Variants in IMPG1 observed in about 807,000 individuals in gnomAD.
IMPG1 encodes the protein interphotoreceptor matrix proteoglycan of 150 kDa.
A neutral mutation model predicts 92.0 loss-of-function variants in IMPG1; 85 were observed. The observed-to-expected ratio is 0.92, with a 90% CI of 0.78 to 1.11. The LOEUF (loss-of-function observed/expected upper bound fraction) is 1.11, where lower values mean the gene tolerates loss of function less well. IMPG1 is among the 50% of genes least tolerant of loss of function. The probability of loss-of-function intolerance (pLI) is 0.00; values close to 1 mark genes in which losing one functional copy is unlikely to be tolerated. For missense variants in IMPG1, 1,022 were observed against 956.0 expected (o/e 1.07, Z -0.91); for synonymous variants, 367 against 334.1 (o/e 1.10, Z -1.08).
chr6:75,980,336 T>A (rs1261937367), intron 12 of IMPG1, among the ~76,000 whole-genome samples: 1 of 152,238 alleles, frequency 6.6e-6, no homozygotes, highest in African/African-American at 2.4e-5. Context: ...TGCAAACACA[T>A]GGAAGACAGT....
Position 76,018,720 on chromosome 6 carries a change from G to A in IMPG1, c.805C>T (p.Gln269Ter), listed in dbSNP as rs779243802. Reference sequence around the variant, plus strand: ...TTGTATGGGCCGGGTCTACTCACCTGAAGTTGGGACTTTCCTGCTAGCTCC... The same window carrying A: ...TTGTATGGGCCGGGTCTACTCACCTAAAGTTGGGACTTTCCTGCTAGCTCC... Reference protein sequence around the residue: ...YQELAGKSQLQMQKIFKKLPG... With the variant: ...YQELAGKSQL The change falls in exon 7 of 17, where the codon CAG becomes TAG. Residue 269 changes from glutamine (Q) to a stop codon, truncating the protein, a stop_gained and splice_region_variant. Transcript: ENST00000369950. LOFTEE classifies it high-confidence loss of function. 6.2e-7 allele frequency: 1 copy of A among 1,613,154 alleles called. No individual in the cohort carries two copies. The highest frequency in any genetic ancestry group is 1.3e-5 in the African/African-American group (1 of 74,984).
intron 12 of IMPG1, among the ~76,000 whole-genome samples, chr6:75,974,345 T>G (rs1389822603): frequency 1.9e-5 from 2 of 104,624 alleles, no homozygotes; most frequent in African/African-American, 7.9e-5. Context: ...CTTTCTTTCT[T>G]TCTTTCTTTC....
At chr6:75,960,407 A>G (rs1335958124) in intron 12 of IMPG1, among the ~76,000 whole-genome samples, 1 of 152,230 alleles carries the variant, frequency 6.6e-6, no homozygotes, top group East Asian at 1.9e-4. Context: ...TTAATTCATT[A>G]AAGGAACAAT....
chr6:76,016,513 TC>T (rs1783290460), intron 7 of IMPG1, among the ~76,000 whole-genome samples: 1 of 152,234 alleles, frequency 6.6e-6, no homozygotes, highest in African/African-American at 2.4e-5. Context: ...CCATGCTGAT[TC>T]TTTTACTTTG....
intron 7 of IMPG1, among the ~76,000 whole-genome samples, chr6:76,018,290 A>G (rs1445919356): frequency 6.6e-6 from 1 of 152,252 alleles, no homozygotes; most frequent in African/African-American, 2.4e-5. Context: ...CACTACAAGA[A>G]AAGTTATGTG....
chr6:75,934,902 G>A (rs939099336), intron 14 of IMPG1: 13 of 467,584 alleles, frequency 2.8e-5, no homozygotes, highest in Middle Eastern at 3.3e-4. Context: ...TCCTGCTTTT[G>A]CGCTGTCCCA....
At chr6:76,011,681 C>T (rs1582103027) in intron 7 of IMPG1, among the ~76,000 whole-genome samples, 1 of 150,990 alleles carries the variant, frequency 6.6e-6, no homozygotes, top group Non-Finnish European at 1.5e-5. Flanking sequence ...GTGCGCTGCA[C>T]CCACTAACTC....
chr6:76,040,352 G>A (rs1783814306), intron 2 of IMPG1, among the ~76,000 whole-genome samples: 1 of 152,206 alleles, frequency 6.6e-6, no homozygotes. Flanking sequence ...TAGAAGTTAT[G>A]TGAAAATAGG....
intron 15 of IMPG1, among the ~76,000 whole-genome samples, chr6:75,929,124 G>A (rs934718630): frequency 1.2e-4 from 18 of 152,122 alleles, no homozygotes; most frequent in African/African-American, 4.3e-4. Flanking sequence ...AGAAATAATT[G>A]TCTAAAAGTA....
chr6:75,929,999 TG>T (rs148029436), intron 15 of IMPG1, among the ~76,000 whole-genome samples: 76 of 152,276 alleles, frequency 5.0e-4, no homozygotes, highest in African/African-American at 1.7e-3. Context: ...AAAATTAGGA[TG>T]TTTGTCTTTA....
At chr6:76,051,530 G>T (rs1784042083) in intron 1 of IMPG1, among the ~76,000 whole-genome samples, 1 of 152,200 alleles carries the variant, frequency 6.6e-6, no homozygotes, top group Non-Finnish European at 1.5e-5. Context: ...GGCAAAAGTT[G>T]TTGGAATAAA....
intron 10 of IMPG1, 60 bp from the exon 11 acceptor site, chr6:76,004,010 C>A: frequency 7.8e-7 from 1 of 1,283,058 alleles, no homozygotes; most frequent in Non-Finnish European, 1.1e-6. Flanking sequence ...GTGGTTGGGA[C>A]AATAAAACAG....
intron 12 of IMPG1, among the ~76,000 whole-genome samples, chr6:75,996,824 C>A (rs1243939092): frequency 6.6e-6 from 1 of 152,198 alleles, no homozygotes; most frequent in East Asian, 1.9e-4. Context: ...ATAGAAATAT[C>A]ATCTCTGAAT....
At chr6:75,924,595 AT>A (rs1781500149) in intron 15 of IMPG1, among the ~76,000 whole-genome samples, 1 of 21,148 alleles carries the variant, frequency 4.7e-5, no homozygotes, top group Non-Finnish European at 1.2e-4. Context: ...ATTATATATT[AT>A]ATATAATTAA....
chr6:76,049,282 A>C (rs1783996460), intron 1 of IMPG1, among the ~76,000 whole-genome samples: 1 of 152,180 alleles, frequency 6.6e-6, no homozygotes, highest in East Asian at 1.9e-4. Flanking sequence ...TCTATACAAC[A>C]AACCTCCATG....
At chr6:76,036,553 T>C (rs1783745210) in intron 2 of IMPG1, among the ~76,000 whole-genome samples, 1 of 152,190 alleles carries the variant, frequency 6.6e-6, no homozygotes, top group Non-Finnish European at 1.5e-5. Flanking sequence ...AATCTTATAG[T>C]CACAAGAAAC....
intron 7 of IMPG1, among the ~76,000 whole-genome samples, chr6:76,017,538 C>T (rs1013659553): frequency 1.3e-5 from 2 of 152,080 alleles, no homozygotes; most frequent in Admixed American, 6.6e-5. Flanking sequence ...CCTACATAGT[C>T]ATTTTGTTTT....
chr6:76,065,593 C>T (rs1784296113), intron 1 of IMPG1, among the ~76,000 whole-genome samples: 1 of 151,878 alleles, frequency 6.6e-6, no homozygotes, highest in South Asian at 2.1e-4. Context: ...TGTAAAACAT[C>T]CAAACCTATA....
At position 75,933,864 on chromosome 6, in the gene IMPG1, T is replaced by G. The variant is rs72886011; in HGVS notation, c.2045-2713A>C. ...CTTTCAACATGTGTCTTCAATAATA[T>G]TCACAGCACCTCTCAAATCCATATG... On this transcript the variant is annotated intron_variant, in intron 14 of 16. Coordinates refer to ENST00000369950, the MANE Select transcript of IMPG1 (RefSeq NM_001563.4). 4.4e-3 allele frequency among the ~76,000 whole-genome samples: 665 copies of G among 152,370 alleles called. 3 individuals are homozygous for G. Among genetic ancestry groups the G allele is most frequent in the Admixed American group, 9.1e-3 (139 of 15,310 alleles).
Sources: allele counts gnomAD v4.1 joint callset (sites outside exome capture counted in the v4.1 genomes callset), GRCh38; gene constraint gnomAD v4.1.1; transcripts MANE v1.5; gene names NCBI Gene and HGNC (gene_info 2026-07-23, HGNC 2026-07-21).